NNT: variants seen among roughly 807,000 people sequenced by gnomAD.
NNT encodes the protein NAD(P) transhydrogenase, mitochondrial.
In NNT, 50 loss-of-function variants were observed where a neutral mutation model predicts 104.8. That is an observed-to-expected ratio of 0.48 (90% CI 0.38 to 0.60). NNT has a LOEUF of 0.60. NNT is among the 20% of genes least tolerant of loss of function. The probability of loss-of-function intolerance (pLI) is 0.00; values close to 1 mark genes in which losing one functional copy is unlikely to be tolerated. For missense variants in NNT, 1,131 were observed against 1,330.7 expected (o/e 0.85, Z 2.33); for synonymous variants, 461 against 490.4 (o/e 0.94, Z 0.79).
intron 11 of NNT, 151 bp from the exon 12 acceptor site, chr5:43,650,326 T>G: frequency 1.9e-6 from 1 of 516,862 alleles, no homozygotes; most frequent in Non-Finnish European, 3.5e-6. Flanking sequence ...ATTGTTTATT[T>G]CATTTTAATG....
chr5:43,640,547 T>C (rs1397377934), intron 7 of NNT, among the ~76,000 whole-genome samples: 2 of 152,162 alleles, frequency 1.3e-5, no homozygotes, highest in African/African-American at 2.4e-5. Flanking sequence ...AGGAGTACTT[T>C]ATTTTATCTT....
At chr5:43,631,927 C>A (rs550516827) in intron 7 of NNT, among the ~76,000 whole-genome samples, 1 of 148,402 alleles carries the variant, frequency 6.7e-6, no homozygotes, top group South Asian at 2.1e-4. Flanking sequence ...CCAGAGCTCA[C>A]CCTCAAAAGG....
chr5:43,651,374 C>T (rs776984585), intron 12 of NNT, among the ~76,000 whole-genome samples: 1 of 151,198 alleles, frequency 6.6e-6, no homozygotes, highest in Non-Finnish European at 1.5e-5. Flanking sequence ...GTCAGGAGTT[C>T]GAGACCAGCC....
At chr5:43,621,620 A>C (rs1032730261) in intron 5 of NNT, among the ~76,000 whole-genome samples, 3 of 151,492 alleles carry the variant, frequency 2.0e-5, no homozygotes, top group African/African-American at 7.3e-5. Context: ...CTCCAGGCTG[A>C]TCTGGAACTC....
chr5:43,659,207 A>G lies in NNT; in HGVS notation c.2491A>G (p.Met831Val), dbSNP rs763759518. 5.0e-6 allele frequency: 8 copies of G among 1,613,014 alleles called. 1 individual carries two copies. In the Admixed American group the frequency reaches 1.0e-4, roughly 20 times the overall value. The part of the protein sequence containing the change: ...TLTAAIGGAD[M>V]PVVITVLNSY... ...GACAGCTGCTATTGGGGGTGCTGACATGCCCGTCGTTATCACTGTGCTGAA... is the reference window on the plus strand; with the variant it reads ...GACAGCTGCTATTGGGGGTGCTGACGTGCCCGTCGTTATCACTGTGCTGAA... Residue 831 changes from methionine to valine, a missense_variant, in exon 17 of 22, where the codon ATG becomes GTG. By Grantham distance (21) the Met-to-Val change is conservative (BLOSUM62 1). Transcript: ENST00000344920.
chr5:43,666,696 C>A (rs1241938564), intron 17 of NNT: 3 of 871,136 alleles, frequency 3.4e-6, no homozygotes, highest in Non-Finnish European at 5.3e-6. Flanking sequence ...CAGCCCCATG[C>A]AGATGGTAGC....
In NNT at chr5:43,704,828, GT is replaced by G. The variant is rs138980708; in HGVS notation, c.*434del. The G allele has an allele frequency of 0.071, 10,642 of 150,264 alleles. 626 individuals are homozygous for G. The highest frequency in any genetic ancestry group is 0.16 in the African/African-American group (6,517 of 40,680). The allele number at this position is 150,264 out of a possible 1,614,324, so 9.3% of individuals were successfully genotyped here. On this transcript the variant is annotated 3_prime_UTR_variant, in exon 22 of 22. Transcript: ENST00000344920. ...AACATTGCAGGCACCTGCATTTTAT[GT>G]TTTTTTTTTCAACAAATGTGACTAA...
rs1579978698 is a variant in NNT, at chr5:43,616,173, G to A, written c.599+108G>A. The A allele has an allele frequency of 3.3e-6, 3 of 920,254 alleles. No individual in the cohort carries two copies. In the East Asian group the frequency reaches 7.3e-5, roughly 22 times the overall value. 57.0% of individuals were successfully genotyped at this position (920,254 alleles called of 1,614,324 possible). ...GATTTTATTTGTAATTATTGTTGGA[G>A]ATTACAGCCTTTTGAGAGTGCATTT... On this transcript the variant is annotated intron_variant, in intron 4 of 21. Transcript: ENST00000344920.
intron 13 of NNT, among the ~76,000 whole-genome samples, chr5:43,652,745 C>T (rs1739829976): frequency 6.6e-6 from 1 of 152,098 alleles, no homozygotes; most frequent in South Asian, 2.1e-4. Context: ...AAGCCCCTGG[C>T]ACTTACCTCA....
intron 5 of NNT, among the ~76,000 whole-genome samples, chr5:43,619,794 T>G (rs1259470602): frequency 6.6e-6 from 1 of 151,994 alleles, no homozygotes; most frequent in African/African-American, 2.4e-5. Flanking sequence ...AAAAAAGAGG[T>G]TTATTTGGCT....
intron 17 of NNT, among the ~76,000 whole-genome samples, chr5:43,665,656 T>A (rs1740607997): frequency 1.3e-5 from 2 of 151,970 alleles, no homozygotes; most frequent in Non-Finnish European, 2.9e-5. Context: ...ACAGTAACAA[T>A]CTGATCTCTC....
rs190733030 is a variant in NNT at position 43,657,966 on chromosome 5, C to T, written c.2454+1153C>T. 5.5e-4 allele frequency among the ~76,000 whole-genome samples: 83 copies of T among 152,182 alleles called. 1 individual carries two copies. In the East Asian group the frequency reaches 0.013, roughly 24 times the overall value. ...CCTGGCCAGCATGGTGAAACCCCGTCTCTACTAAAAATACAAAAATAAGCC... is the reference window on the plus strand; with the variant it reads ...CCTGGCCAGCATGGTGAAACCCCGTTTCTACTAAAAATACAAAAATAAGCC... On this transcript the variant is annotated intron_variant, in intron 16 of 21. Transcript: ENST00000344920.
At chr5:43,611,899 A>AT (rs1457313494) in intron 2 of NNT, among the ~76,000 whole-genome samples, 1 of 152,206 alleles carries the variant, frequency 6.6e-6, no homozygotes, top group African/African-American at 2.4e-5. Context: ...ATATCTAAAT[A>AT]TAAGATTGTA....
At chr5:43,607,128 T>C (rs1436904198) in intron 1 of NNT, among the ~76,000 whole-genome samples, 1 of 152,030 alleles carries the variant, frequency 6.6e-6, no homozygotes, top group Admixed American at 6.6e-5. Context: ...CTCAGCTTCA[T>C]GAGTAGCTGG....
chr5:43,653,032 C>A lies in NNT; in HGVS notation c.1878C>A (p.Gly626=), dbSNP rs577247984. 5.6e-5 allele frequency: 90 copies of A among 1,612,548 alleles called. 1 individual carries two copies. In the South Asian group the frequency reaches 9.9e-4, roughly 18 times the overall value. The change falls in exon 14 of 22, where the codon GGC becomes GGA. Residue 626 remains glycine, a synonymous_variant. Transcript: ENST00000344920. ...CCTTTGAAAAGATCATGTACCTAGG[C>A]TCGGGTTTGTGCTGTGTCGGTGCCT... ...GYNIEQIMYL[G]SGLCCVGALA...
At chr5:43,626,044 A>AT (rs1200827969) in intron 6 of NNT, among the ~76,000 whole-genome samples, 2 of 152,044 alleles carry the variant, frequency 1.3e-5, no homozygotes, top group Non-Finnish European at 2.9e-5. Flanking sequence ...ACTAGGCCTC[A>AT]TTTTTTGCTA....
chr5:43,699,809 A>C (rs2303733), intron 19 of NNT, among the ~76,000 whole-genome samples: 11,444 of 152,242 alleles, frequency 0.075, 602 homozygotes, highest in East Asian at 0.2. Flanking sequence ...GAACACAGTG[A>C]TTTTTAAATG....
At chr5:43,674,393 G>T (rs898742683) in intron 17 of NNT, among the ~76,000 whole-genome samples, 2 of 152,044 alleles carry the variant, frequency 1.3e-5, no homozygotes, top group African/African-American at 4.8e-5. Context: ...GGCCATAGTT[G>T]TCTCGATGTG....
At chr5:43,661,624 T>C (rs1740366711) in intron 17 of NNT, among the ~76,000 whole-genome samples, 1 of 136,402 alleles carries the variant, frequency 7.3e-6, no homozygotes, top group South Asian at 2.4e-4. Flanking sequence ...TGTGATCTCA[T>C]TGTTCAATTC....
Sources: gnomAD v4.1 joint callset for allele counts (sites outside exome capture counted in the v4.1 genomes callset) on GRCh38, gnomAD v4.1.1 for gene constraint, MANE v1.5 for transcripts, NCBI Gene and HGNC (gene_info 2026-07-23, HGNC 2026-07-21) for gene names.